SPHKAP: variants seen among roughly 807,000 people sequenced by gnomAD.
SPHKAP encodes A-kinase anchor protein SPHKAP.
In SPHKAP, 67 loss-of-function variants were observed where a neutral mutation model predicts 137.5. The observed-to-expected ratio is 0.49, with a 90% CI of 0.40 to 0.60. The LOEUF is 0.60. Among genes scored for constraint, SPHKAP ranks in the 20% least tolerant of loss-of-function variants. SPHKAP has a pLI of 0.00. For missense variants in SPHKAP, 2,097 were observed against 2,069.3 expected, an observed-to-expected ratio of 1.01 and a Z score of -0.26; for synonymous variants, 813 against 785.3, an observed-to-expected ratio of 1.04 and a Z score of -0.59.
intron 7 of SPHKAP, among the ~76,000 whole-genome samples, chr2:228,002,269 C>G (rs200694969): frequency 6.8e-4 from 103 of 152,108 alleles, no homozygotes; most frequent in Non-Finnish European, 1.2e-3. Flanking sequence ...ATTCTAACTG[C>G]TGTGAGATGA....
At chr2:228,063,182 G>A (rs56243819) in intron 3 of SPHKAP, among the ~76,000 whole-genome samples, 8,977 of 112,494 alleles carry the variant, frequency 0.08, 278 homozygotes, top group East Asian at 0.15. Context: ...CTATCTGTCT[G>A]TCTGTCTGTC....
intron 3 of SPHKAP, 117 bp downstream of exon 3, chr2:228,108,715 G>T: frequency 1.5e-6 from 1 of 683,366 alleles, no homozygotes; most frequent in Non-Finnish European, 2.5e-6. Context: ...TATTTTCAAA[G>T]GAATATTTTC....
At chr2:228,032,537 A>G (rs1695377361) in intron 3 of SPHKAP, among the ~76,000 whole-genome samples, 1 of 152,190 alleles carries the variant, frequency 6.6e-6, no homozygotes, top group Admixed American at 6.5e-5. Flanking sequence ...AGAACGCCAC[A>G]AAGATACTCC....
chr2:228,061,026 G>C (rs143167370), intron 3 of SPHKAP, among the ~76,000 whole-genome samples: 1 of 152,248 alleles, frequency 6.6e-6, no homozygotes, highest in Non-Finnish European at 1.5e-5. Flanking sequence ...GCCAAACTTG[G>C]AACCTTTGGG....
At chr2:228,009,942 G>A (rs887591963) in intron 7 of SPHKAP, among the ~76,000 whole-genome samples, 1 of 152,174 alleles carries the variant, frequency 6.6e-6, no homozygotes, top group African/African-American at 2.4e-5. Context: ...CTAGCGTCAT[G>A]GGGCTGTACC....
chr2:228,160,335 G>T (rs1216227500), intron 1 of SPHKAP, among the ~76,000 whole-genome samples: 1 of 152,158 alleles, frequency 6.6e-6, no homozygotes, highest in Non-Finnish European at 1.5e-5. Context: ...TTCTCACACT[G>T]CTATAAAGAA....
intron 1 of SPHKAP, among the ~76,000 whole-genome samples, chr2:228,159,904 G>A (rs1048586491): frequency 3.3e-5 from 5 of 152,132 alleles, no homozygotes; most frequent in African/African-American, 1.2e-4. Context: ...ACCAATCTGT[G>A]GTTTGTTGAC....
At chr2:228,123,409 T>C (rs1192789167) in intron 2 of SPHKAP, among the ~76,000 whole-genome samples, 1 of 152,208 alleles carries the variant, frequency 6.6e-6, no homozygotes, top group African/African-American at 2.4e-5. Context: ...GAGTTGTTTA[T>C]ACTCCAGGGG....
chr2:227,995,592 T>C lies in SPHKAP; in HGVS notation c.4551A>G (p.Thr1517=). Residue 1517 remains threonine, a synonymous_variant, in exon 8 of 12, where the codon ACA becomes ACG. Transcript: ENST00000392056. ...CATTGGCAAGCTGGGTCCAGCTGCC[T>C]GTGCTCTCCTCGCTGCTGCTTGGAG... ...PNPPSSSEES[T]GSWTQLANEE... is the part of the protein sequence containing the mutation. 1 of 1,614,118 alleles carries C rather than the reference T, an allele frequency of 6.2e-7. No individual in the cohort carries two copies. Among genetic ancestry groups the C allele is most frequent in the Non-Finnish European group, 8.5e-7 (1 of 1,179,994 alleles).
intron 1 of SPHKAP, among the ~76,000 whole-genome samples, chr2:228,137,618 C>T (rs1347810863): frequency 6.6e-6 from 1 of 152,090 alleles, no homozygotes; most frequent in African/African-American, 2.4e-5. Flanking sequence ...ATTTGATTGT[C>T]TCAACCCTAT....
chr2:228,091,194 A>G (rs1186055621), intron 3 of SPHKAP, among the ~76,000 whole-genome samples: 1 of 152,222 alleles, frequency 6.6e-6, no homozygotes, highest in Non-Finnish European at 1.5e-5. Context: ...GCAAAAAGCA[A>G]GAATTAGAAA....
intron 1 of SPHKAP, among the ~76,000 whole-genome samples, chr2:228,143,528 C>T (rs1490714435): frequency 6.6e-6 from 1 of 151,864 alleles, no homozygotes; most frequent in East Asian, 1.9e-4. Flanking sequence ...GGGGGTCTCA[C>T]TCTGTCGCCC....
intron 11 of SPHKAP, among the ~76,000 whole-genome samples, chr2:227,988,151 G>T (rs1693284162): frequency 6.6e-6 from 1 of 152,040 alleles, no homozygotes; most frequent in African/African-American, 2.4e-5. Context: ...ATTGATAAAA[G>T]AAAGATTATC....
chr2:228,044,330 AT>A (rs1695951833), intron 3 of SPHKAP, among the ~76,000 whole-genome samples: 1 of 152,202 alleles, frequency 6.6e-6, no homozygotes. Flanking sequence ...ATAGTTGCAA[AT>A]GCAGGAGAGG....
intron 3 of SPHKAP, among the ~76,000 whole-genome samples, chr2:228,043,052 T>C (rs2106261098): frequency 6.6e-6 from 1 of 152,300 alleles, no homozygotes; most frequent in Middle Eastern, 3.4e-3. Flanking sequence ...AACGGAAATA[T>C]AGACATGTTA....
chr2:228,088,412 G>A (rs529387828), intron 3 of SPHKAP, among the ~76,000 whole-genome samples: 2 of 152,000 alleles, frequency 1.3e-5, no homozygotes, highest in African/African-American at 4.8e-5. Context: ...CAACCACTAA[G>A]AAAATATTTT....
At chr2:228,020,194 G>A in intron 6 of SPHKAP, 38 bp from the exon 7 acceptor site, 1 of 1,536,838 alleles carries the variant, frequency 6.5e-7, no homozygotes, top group South Asian at 1.3e-5. Context: ...TTACTTTTTG[G>A]ATAGCAGGTT....
chr2:227,996,921 G>A (rs548160844), intron 7 of SPHKAP, among the ~76,000 whole-genome samples: 9 of 152,148 alleles, frequency 5.9e-5, no homozygotes, highest in Non-Finnish European at 1.3e-4. Flanking sequence ...GATTTGGAAG[G>A]AAGATTTCCT....
intron 11 of SPHKAP, among the ~76,000 whole-genome samples, chr2:227,984,038 C>T (rs1351895017): frequency 6.6e-6 from 1 of 152,098 alleles, no homozygotes; most frequent in Non-Finnish European, 1.5e-5. Context: ...CGGTGGCTCA[C>T]GCCTGTAATC....
Sources: allele counts gnomAD v4.1 joint callset (sites outside exome capture counted in the v4.1 genomes callset), GRCh38; gene constraint gnomAD v4.1.1; transcripts MANE v1.5; gene names NCBI Gene and HGNC (gene_info 2026-07-23, HGNC 2026-07-21).